Variants in ASIC2 observed in about 807,000 individuals in gnomAD.
ASIC2 encodes acid-sensing ion channel 2.
A neutral mutation model predicts 57.3 loss-of-function variants in ASIC2; 25 were observed. The observed-to-expected ratio is 0.44, with a 90% CI of 0.32 to 0.61. The LOEUF is 0.61. Among genes scored for constraint, ASIC2 ranks in the 20% least tolerant of loss-of-function variants. ASIC2 has a pLI of 0.06. For synonymous variants in ASIC2, 319 were observed against 307.5 expected (o/e 1.04, Z -0.39); for missense variants, 641 against 738.1 (o/e 0.87, Z 1.52).
At chr17:33,657,693 T>C (rs280052) in intron 1 of ASIC2, among the ~76,000 whole-genome samples, 58,709 of 147,830 alleles carry the variant, frequency 0.4, 12,289 homozygotes, top group Non-Finnish European at 0.45. Flanking sequence ...AAAGCTTATA[T>C]GAAAACAAGC....
rs148341254 is a variant in ASIC2 at position 33,753,727 on chromosome 17, G to A, written c.555+402251C>T. On this transcript the variant is annotated intron_variant, in intron 1 of 9. Transcript: ENST00000359872. The stretch of plus-strand genomic sequence containing the variant: ...TTTGAACACGGTTTGAACACTTGGC[G>A]GTGTATGAGTGGTTTGAAGTATGGC... 1.0e-3 allele frequency among the ~76,000 whole-genome samples: 153 copies of A among 152,268 alleles called. 1 individual carries two copies. In the East Asian group the frequency reaches 0.023, roughly 23 times the overall value.
chr17:33,357,547 C>T (rs905495321), intron 1 of ASIC2, among the ~76,000 whole-genome samples: 4 of 152,118 alleles, frequency 2.6e-5, no homozygotes, highest in African/African-American at 9.7e-5. Flanking sequence ...ACCACCTTTC[C>T]TGCCTTCTTT....
chr17:33,962,275 C>A (rs745369379), intron 1 of ASIC2, among the ~76,000 whole-genome samples: 24 of 152,160 alleles, frequency 1.6e-4, no homozygotes, highest in Non-Finnish European at 3.4e-4. Flanking sequence ...GGAGGAGGAG[C>A]TTTGAGGCCA....
chr17:33,460,508 C>A (rs1490459663), intron 1 of ASIC2, among the ~76,000 whole-genome samples: 1 of 152,158 alleles, frequency 6.6e-6, no homozygotes, highest in Non-Finnish European at 1.5e-5. Context: ...CTGGAAGAAG[C>A]CGTAAGTGAG....
intron 1 of ASIC2, among the ~76,000 whole-genome samples, chr17:33,323,725 C>G (rs1906959393): frequency 6.6e-6 from 1 of 152,140 alleles, no homozygotes; most frequent in Admixed American, 6.5e-5. Flanking sequence ...CACCACACCC[C>G]CGCCCCAAAA....
intron 1 of ASIC2, among the ~76,000 whole-genome samples, chr17:33,666,124 C>A (rs1028196824): frequency 6.6e-6 from 1 of 152,114 alleles, no homozygotes; most frequent in African/African-American, 2.4e-5. Flanking sequence ...CCCACATAAC[C>A]AGATTGTTCT....
At chr17:33,883,859 A>T (rs537570705) in intron 1 of ASIC2, among the ~76,000 whole-genome samples, 1 of 151,994 alleles carries the variant, frequency 6.6e-6, no homozygotes, top group Non-Finnish European at 1.5e-5. Context: ...TAGTCAATGC[A>T]CTGTGCACTA....
At chr17:33,447,587 T>C (rs897566501) in intron 1 of ASIC2, among the ~76,000 whole-genome samples, 6 of 152,104 alleles carry the variant, frequency 3.9e-5, no homozygotes, top group African/African-American at 1.4e-4. Context: ...TAAAGCAGGA[T>C]CTTTCAGAGT....
chr17:33,855,344 G>C (rs182775149), intron 1 of ASIC2, among the ~76,000 whole-genome samples: 4 of 152,128 alleles, frequency 2.6e-5, no homozygotes, highest in African/African-American at 9.7e-5. Context: ...AGAGTTGGAC[G>C]CAATTCTTGG....
intron 1 of ASIC2, among the ~76,000 whole-genome samples, chr17:33,334,256 G>A (rs1907426492): frequency 6.6e-6 from 1 of 152,174 alleles, no homozygotes; most frequent in African/African-American, 2.4e-5. Flanking sequence ...TTATGAAAGA[G>A]GTGCTAATGT....
At chr17:33,983,213 T>A (rs117952994) in intron 1 of ASIC2, among the ~76,000 whole-genome samples, 28 of 152,274 alleles carry the variant, frequency 1.8e-4, no homozygotes, top group Non-Finnish European at 3.2e-4. Context: ...GAGAACTTGT[T>A]CCCAGGCTGT....
intron 1 of ASIC2, among the ~76,000 whole-genome samples, chr17:33,856,673 G>C (rs982718216): frequency 7.6e-6 from 1 of 131,002 alleles, no homozygotes; most frequent in East Asian, 2.6e-4. Context: ...TGTGCTCTTT[G>C]AGTTGTGCCA....
intron 1 of ASIC2, among the ~76,000 whole-genome samples, chr17:33,799,120 C>T (rs1912004131): frequency 6.6e-6 from 1 of 152,220 alleles, no homozygotes; most frequent in African/African-American, 2.4e-5. Flanking sequence ...TCTTTCTGCT[C>T]TTTCTTCTTT....
chr17:33,802,587 C>A (rs1912161260), intron 1 of ASIC2, among the ~76,000 whole-genome samples: 1 of 152,184 alleles, frequency 6.6e-6, no homozygotes. Flanking sequence ...CCTGCTCCAA[C>A]AACAGAAATA....
Position 33,621,722 on chromosome 17 carries a change from G to T in ASIC2, c.556-509655C>A, listed in dbSNP as rs72827235. On this transcript the variant is annotated intron_variant, in intron 1 of 9. Transcript: ENST00000359872. ...TGAACAGCACAAAGATGCAGTTCCT[G>T]GGGGCCTCTGTCACCAAAATGCTAG... is the stretch of plus-strand genomic sequence containing the variant. 9.4e-3 allele frequency among the ~76,000 whole-genome samples: 1,437 copies of T among 152,244 alleles called. 30 individuals are homozygous for T. The highest frequency in any genetic ancestry group is 0.073 in the East Asian group (377 of 5,178).
chr17:33,302,097 G>T (rs1442128858), intron 1 of ASIC2, among the ~76,000 whole-genome samples: 1 of 152,146 alleles, frequency 6.6e-6, no homozygotes, highest in Non-Finnish European at 1.5e-5. Context: ...CCTTCCCTCA[G>T]CATCCCTTGC....
chr17:33,978,421 T>C (rs989457890), intron 1 of ASIC2, among the ~76,000 whole-genome samples: 1 of 152,150 alleles, frequency 6.6e-6, no homozygotes, highest in African/African-American at 2.4e-5. Flanking sequence ...TCACTGACTG[T>C]GTGATTAGAA....
chr17:33,234,492 C>T (rs934767378), intron 1 of ASIC2, among the ~76,000 whole-genome samples: 14 of 152,180 alleles, frequency 9.2e-5, no homozygotes, highest in African/African-American at 3.4e-4. Context: ...CCCACAGGCA[C>T]TCATCTCCTT....
At chr17:33,928,201 T>A (rs1370548046) in intron 1 of ASIC2, among the ~76,000 whole-genome samples, 6 of 152,210 alleles carry the variant, frequency 3.9e-5, no homozygotes, top group Non-Finnish European at 8.8e-5. Context: ...AAACCCATGT[T>A]ATTTCAGAGA....
Sources: gnomAD v4.1 joint callset for allele counts (sites outside exome capture counted in the v4.1 genomes callset) on GRCh38, gnomAD v4.1.1 for gene constraint, MANE v1.5 for transcripts, NCBI Gene and HGNC (gene_info 2026-07-23, HGNC 2026-07-21) for gene names.